The following DNAJB14 variants were observed in gnomAD, a reference collection of about 807,000 sequenced individuals.
The protein encoded by DNAJB14 is dnaJ homolog subfamily B member 14.
In DNAJB14, 22 loss-of-function variants were observed where a neutral mutation model predicts 48.4. That is an observed-to-expected ratio of 0.45 (90% CI 0.32 to 0.65). DNAJB14 has a LOEUF of 0.65. Ranked by LOEUF, DNAJB14 falls within the 30% of genes least tolerant of loss-of-function variation. DNAJB14 has a pLI of 0.03. For missense variants in DNAJB14, 319 were observed against 458.8 expected, an observed-to-expected ratio of 0.70 and a Z score of 2.78; for synonymous variants, 142 against 158.7, an observed-to-expected ratio of 0.89 and a Z score of 0.79.
chr4:99,923,597 C>T, intron 2 of DNAJB14: 1 of 925,530 alleles, frequency 1.1e-6, no homozygotes, highest in Non-Finnish European at 1.3e-6. Flanking sequence ...ACATGCATTA[C>T]ATTCCAAAAA....
At chr4:99,927,458 T>A (rs1726297443) in intron 2 of DNAJB14, 1 of 152,138 alleles carries the variant, frequency 6.6e-6, no homozygotes. Context: ...TAAATTCAAA[T>A]CCCCATAATT....
intron 7 of DNAJB14, among the ~76,000 whole-genome samples, chr4:99,902,897 CA>C (rs1361229493): frequency 6.6e-6 from 1 of 152,098 alleles, no homozygotes; most frequent in Non-Finnish European, 1.5e-5. Context: ...TTAATACTTA[CA>C]ATGTGCTTGG....
chr4:99,939,406 C>T (rs543373875), intron 1 of DNAJB14, among the ~76,000 whole-genome samples: 20 of 152,234 alleles, frequency 1.3e-4, no homozygotes, highest in African/African-American at 4.6e-4. Context: ...AATAAATAAA[C>T]GTGGCCACGA....
In DNAJB14 at chr4:99,903,843, CAT is replaced by C; in HGVS notation, c.896_897del (p.Tyr299CysfsTer8). ...TATTCATTTTTGAAGTCCTTGTTGA[CAT>C]AATAAACAACACCCAAGTTTTCTGT... ...MQTENLGVVY[Y>X]VNKDFKNEYK... On this transcript the variant is annotated frameshift_variant, in exon 7 of 8. Transcript: ENST00000442697. LOFTEE classifies it high-confidence loss of function. 1 of 1,612,816 alleles carries C rather than the reference CAT, an allele frequency of 6.2e-7. No individual in the cohort carries two copies.
intron 1 of DNAJB14, among the ~76,000 whole-genome samples, chr4:99,933,828 G>A (rs561517489): frequency 2.8e-4 from 43 of 152,248 alleles, no homozygotes; most frequent in South Asian, 1.0e-3. Context: ...ACCACCAACT[G>A]CCACAAGATC....
rs1220212452 is a variant in DNAJB14, at chr4:99,900,335, A to G, written c.*693T>C. ...TTTCTTTAAAATTTATCAGTATAGC[A>G]TTTCATTTCTATGCATGTATATGTA... On this transcript the variant is annotated 3_prime_UTR_variant, in exon 8 of 8. Transcript: ENST00000442697. The G allele has an allele frequency of 6.6e-6, 1 of 151,982 alleles. No homozygotes were observed. The highest frequency in any genetic ancestry group is 1.5e-5 in the Non-Finnish European group (1 of 67,906). 9.4% of individuals were successfully genotyped at this position (151,982 alleles called of 1,614,324 possible). A position where few individuals can be genotyped will look rare whatever the true frequency, so the allele number is the denominator to read the frequency against.
rs1246752132 is a variant in DNAJB14, at chr4:99,898,582, T to A, written c.*2446A>T. 6.6e-6 allele frequency: 1 copy of A among 151,876 alleles called. No homozygotes were observed. The highest frequency in any genetic ancestry group is 1.5e-5 in the Non-Finnish European group (1 of 67,806). The allele number at this position is 151,876 out of a possible 1,614,324, so 9.4% of individuals were successfully genotyped here. On this transcript the variant is annotated 3_prime_UTR_variant, in exon 8 of 8. Transcript: ENST00000442697. ...TAATGTTTGTGTGTATATGCATGGG[T>A]GTATTTGTGTTTACACAAAAAGGGG...
intron 4 of DNAJB14, among the ~76,000 whole-genome samples, 168 bp downstream of exon 4, chr4:99,908,543 A>C (rs1322849269): frequency 6.6e-6 from 1 of 152,142 alleles, no homozygotes; most frequent in Non-Finnish European, 1.5e-5. Flanking sequence ...GGCTATTATA[A>C]AAGTAATAAC....
Position 99,921,099 on chromosome 4 carries a change from C to T in DNAJB14, c.451+1941G>A, listed in dbSNP as rs73832920. The stretch of plus-strand genomic sequence containing the variant: ...TATTTTCTAATTAACTACTGTTACT[C>T]GCCAAGCGTGTGTGGATTACAACTT... On this transcript the variant is annotated intron_variant, in intron 3 of 7. Transcript: ENST00000442697. Among the ~76,000 whole-genome samples, 1,108 of 152,314 alleles carry T rather than the reference C, an allele frequency of 7.3e-3. 14 individuals carry two copies. Among genetic ancestry groups the T allele is most frequent in the African/African-American group, 0.025 (1,054 of 41,558 alleles).
intron 3 of DNAJB14, among the ~76,000 whole-genome samples, chr4:99,911,524 A>T (rs1003050635): frequency 6.6e-6 from 1 of 150,590 alleles, no homozygotes; most frequent in African/African-American, 2.5e-5. Flanking sequence ...TGAGTGATCC[A>T]TTCCCTGCAT....
chr4:99,904,674 T>G (rs1266363289), intron 6 of DNAJB14, among the ~76,000 whole-genome samples: 2 of 152,262 alleles, frequency 1.3e-5, no homozygotes, highest in Middle Eastern at 3.4e-3. Context: ...TTACATTCTC[T>G]CACATTGCCT....
At chr4:99,923,279 T>C (rs907600066) in intron 2 of DNAJB14, 94 bp from the exon 3 acceptor site, 3 of 1,141,220 alleles carry the variant, frequency 2.6e-6, no homozygotes, top group South Asian at 1.8e-5. Flanking sequence ...TATAAAGAAC[T>C]ATCTGTGGAC....
Position 99,933,203 on chromosome 4 carries a change from TATGTCTCAATA to T in DNAJB14, c.134-2593_134-2583del, listed in dbSNP as rs571199614. ...ATATATATACACACACTCTCAATAT[TATGTCTCAATA>T]ATGTCTCAATAAAGTATGTATATAT... On this transcript the variant is annotated intron_variant, in intron 1 of 7. Transcript: ENST00000442697. 3.5e-3 allele frequency among the ~76,000 whole-genome samples: 537 copies of T among 152,118 alleles called. 1 individual carries two copies. The highest frequency in any genetic ancestry group is 6.2e-3 in the Non-Finnish European group (419 of 67,990).
intron 6 of DNAJB14, among the ~76,000 whole-genome samples, chr4:99,905,187 T>A (rs1319327643): frequency 6.6e-6 from 1 of 152,064 alleles, no homozygotes; most frequent in Admixed American, 6.6e-5. Flanking sequence ...AAAAGTAATA[T>A]TTGCTTTTAT....
intron 3 of DNAJB14, among the ~76,000 whole-genome samples, chr4:99,911,443 A>C (rs902699391): frequency 6.6e-6 from 1 of 152,164 alleles, no homozygotes; most frequent in Admixed American, 6.5e-5. Context: ...TAGTAGCTGC[A>C]CAGATTTTTG....
At chr4:99,938,097 CAAAAAAAAAA>C (rs59597113) in intron 1 of DNAJB14, among the ~76,000 whole-genome samples, 564 of 40,972 alleles carry the variant, frequency 0.014, 1 homozygote, top group African/African-American at 0.041. Flanking sequence ...GTTAAAAATA[CAAAAAAAAAA>C]AAAAAAAAAA....
chr4:99,922,755 A>C (rs1054448122), intron 3 of DNAJB14: 1 of 240,414 alleles, frequency 4.2e-6, no homozygotes, highest in Non-Finnish European at 8.0e-6. Context: ...CTCATGCATA[A>C]TCATCACCCT....
chr4:99,942,685 GA>G (rs1437905435), intron 1 of DNAJB14, among the ~76,000 whole-genome samples: 2 of 152,098 alleles, frequency 1.3e-5, no homozygotes, highest in Non-Finnish European at 2.9e-5. Flanking sequence ...TTTTTGTCAA[GA>G]AAAACTCTTG....
intron 5 of DNAJB14, chr4:99,905,993 C>G: frequency 7.7e-7 from 1 of 1,293,108 alleles, no homozygotes; most frequent in Non-Finnish European, 9.9e-7. Context: ...CCCCCACACA[C>G]AGAGACGCTA....
Sources: gnomAD v4.1 joint callset for allele counts (sites outside exome capture counted in the v4.1 genomes callset) on GRCh38, gnomAD v4.1.1 for gene constraint, MANE v1.5 for transcripts, NCBI Gene and HGNC (gene_info 2026-07-23, HGNC 2026-07-21) for gene names.